Variants in CACNA1B observed in about 807,000 individuals in gnomAD.
CACNA1B encodes calcium voltage-gated channel subunit alpha1 B.
Under a neutral mutation model 247.2 loss-of-function variants are expected in CACNA1B, and 70 were observed. The ratio of observed to expected loss-of-function variants is 0.28; its 90% CI spans 0.23 to 0.35. CACNA1B has a LOEUF of 0.35. CACNA1B is among the 10% of genes least tolerant of loss of function. The pLI, the probability that CACNA1B is intolerant of heterozygous loss-of-function variation, is 1.00. For synonymous variants in CACNA1B, 1,231 were observed against 1,294.4 expected, an observed-to-expected ratio of 0.95 and a Z score of 1.05; for missense variants, 2,367 against 3,197.4, an observed-to-expected ratio of 0.74 and a Z score of 6.26.
At chr9:137,987,060 G>T (rs1005711677) in intron 15 of CACNA1B, among the ~76,000 whole-genome samples, 1 of 152,312 alleles carries the variant, frequency 6.6e-6, no homozygotes, top group East Asian at 1.9e-4. Flanking sequence ...CAGCCCCTAC[G>T]GTGAAGGAAG....
Position 138,075,883 on chromosome 9 carries a change from T to G in CACNA1B, c.4922T>G (p.Phe1641Cys). 1 of 1,612,378 alleles carries G rather than the reference T, an allele frequency of 6.2e-7. No individual in the cohort carries two copies. Among genetic ancestry groups the G allele is most frequent in the Non-Finnish European group, 8.5e-7 (1 of 1,179,068 alleles). Residue 1641 changes from phenylalanine to cysteine, a missense_variant, in exon 35 of 47, where the codon TTT (phenylalanine) becomes TGT (cysteine). Physicochemically the swap from Phe to Cys is radical, Grantham distance 205. Around this residue, in one of 12 missense-constraint regions of CACNA1B, gnomAD observed 436 missense variants for 679.5 expected, o/e 0.64. Transcript: ENST00000371372. Reference sequence around the variant, plus strand: ...AACCGCCACAACAACTTCCGGACGTTTTTGCAAGCCCTGATGCTGCTGTTC... The same window carrying G: ...AACCGCCACAACAACTTCCGGACGTGTTTGCAAGCCCTGATGCTGCTGTTC... ...SINRHNNFRT[F>C]LQALMLLFRS...
At chr9:138,005,451 G>T (rs557149790) in intron 15 of CACNA1B, among the ~76,000 whole-genome samples, 1 of 152,298 alleles carries the variant, frequency 6.6e-6, no homozygotes, top group East Asian at 1.9e-4. Flanking sequence ...GCTACCAGAA[G>T]GTGGGAAGGC....
chr9:138,088,338 C>G (rs979625758), intron 36 of CACNA1B, among the ~76,000 whole-genome samples: 1 of 151,384 alleles, frequency 6.6e-6, no homozygotes, highest in African/African-American at 2.4e-5. Flanking sequence ...CACTGCACTC[C>G]AGCCTGGGTG....
chr9:137,877,825 C>T lies in CACNA1B; in HGVS notation c.-109C>T, dbSNP rs75677346. The T allele has an allele frequency of 7.3e-5, 41 of 563,376 alleles. No individual in the cohort carries two copies. Among genetic ancestry groups the T allele is most frequent in the South Asian group, 1.4e-4 (2 of 13,892 alleles). 34.9% of individuals were successfully genotyped at this position (563,376 alleles called of 1,614,324 possible). A position where few individuals can be genotyped will look rare whatever the true frequency, so the allele number is the denominator to read the frequency against. On this transcript the variant is annotated 5_prime_UTR_variant, in exon 1 of 47. Coordinates refer to ENST00000371372, the MANE Select transcript of CACNA1B (RefSeq NM_000718.4). ...TGCGGCGGTGGGGCCGGGCGAGGTC[C>T]GCTGCGGTCCCGGCGGCTCCGTGGC... is the stretch of plus-strand genomic sequence containing the variant.
At chr9:137,988,251 A>T (rs997521283) in intron 15 of CACNA1B, among the ~76,000 whole-genome samples, 1 of 152,212 alleles carries the variant, frequency 6.6e-6, no homozygotes, top group African/African-American at 2.4e-5. Context: ...GGAAACTGGG[A>T]GGAGGCATTC....
chr9:138,109,370 G>A (rs908729679), intron 39 of CACNA1B, among the ~76,000 whole-genome samples: 4 of 152,212 alleles, frequency 2.6e-5, no homozygotes, highest in African/African-American at 9.7e-5. Context: ...CAAAAGAAAT[G>A]TATTTCTCAC....
Position 137,882,966 on chromosome 9 carries a change from G to A in CACNA1B, c.530+83G>A, listed in dbSNP as rs561886204. The A allele has an allele frequency of 4.1e-5, 60 of 1,447,072 alleles. No homozygotes were observed. The African/African-American group carries it at 6.3e-4, about 15-fold the overall frequency. The allele number at this position is 1,447,072 out of a possible 1,614,324, so 89.6% of individuals were successfully genotyped here. ...AGCTCAGTTGCGCCGTGGAGCTGGG[G>A]CAGCTGCAGTCCCCTCACTGGGGTC... On this transcript the variant is annotated intron_variant, in intron 3 of 46. Transcript: ENST00000371372. This position sits in a 1 kb window ranked among gnomAD's most constrained non-coding sequence, Gnocchi z 4.0.
chr9:138,013,808 A>C (rs1038344709), intron 18 of CACNA1B, among the ~76,000 whole-genome samples: 1 of 152,258 alleles, frequency 6.6e-6, no homozygotes, highest in Non-Finnish European at 1.5e-5. Context: ...CAAAGGCTGC[A>C]CTGAGCCGAG....
At chr9:138,049,901 A>G (rs113472174) in intron 24 of CACNA1B, among the ~76,000 whole-genome samples, 4 of 152,052 alleles carry the variant, frequency 2.6e-5, no homozygotes, top group Non-Finnish European at 5.9e-5. Flanking sequence ...GGGCTCAGCT[A>G]CAGCTGGGGA....
At chr9:138,034,223 A>G (rs7852364) in intron 20 of CACNA1B, among the ~76,000 whole-genome samples, 30,086 of 152,006 alleles carry the variant, frequency 0.2, 8,017 homozygotes, top group African/African-American at 0.61. Flanking sequence ...AGAGGAAGAG[A>G]TTGTCTCATT....
In CACNA1B at chr9:137,952,311, A is replaced by G; in HGVS notation, c.1004A>G (p.Tyr335Cys). The change falls in exon 7 of 47, where the codon TAC becomes TGC. Residue 335 changes from tyrosine (Y) to cysteine (C), a missense_variant. Physicochemically the swap from Tyr to Cys is radical, Grantham distance 194 (BLOSUM62 -2). This residue lies in a region of CACNA1B where 32 missense variants were observed against 37.2 expected (regional missense o/e 0.86). Coordinates refer to ENST00000371372, the MANE Select transcript of CACNA1B (RefSeq NM_000718.4). The surrounding 1 kb of genome is among the most constrained non-coding windows in gnomAD (Gnocchi z 4.8). ...GCCGGCAACACCTGGAACTGGCTCT[A>G]CTTCATCCCTCTCATCATCATCGGC... ...DAAGNTWNWL[Y>C]FIPLIIIGSF... 6.2e-7 allele frequency: 1 copy of G among 1,613,124 alleles called. No homozygotes were observed. The highest frequency in any genetic ancestry group is 8.5e-7 in the Non-Finnish European group (1 of 1,179,678).
chr9:137,916,310 G>A (rs188041541), intron 5 of CACNA1B, among the ~76,000 whole-genome samples: 2 of 152,296 alleles, frequency 1.3e-5, no homozygotes, highest in Non-Finnish European at 1.5e-5. Flanking sequence ...TAGGATTACA[G>A]GCGTGAGCCA....
Position 138,059,198 on chromosome 9 carries a change from T to C in CACNA1B, c.4584+9T>C, listed in dbSNP as rs758452712. On this transcript the variant is annotated intron_variant, in intron 30 of 46. Coordinates refer to ENST00000371372, the MANE Select transcript of CACNA1B (RefSeq NM_000718.4). This position sits in a 1 kb window ranked among gnomAD's most constrained non-coding sequence, Gnocchi z 4.2. ...TCGCCTTTGGGGTGCTGGTACGTGCTTTGGTCCCTGCTTTGCCTTTTGACA... is the reference window on the plus strand; with the variant it reads ...TCGCCTTTGGGGTGCTGGTACGTGCCTTGGTCCCTGCTTTGCCTTTTGACA... 9.7e-6 allele frequency: 15 copies of C among 1,546,888 alleles called. No homozygotes were observed. The highest frequency in any genetic ancestry group is 1.3e-5 in the Non-Finnish European group (15 of 1,119,452).
intron 15 of CACNA1B, among the ~76,000 whole-genome samples, 153 bp from the exon 16 acceptor site, chr9:138,006,614 G>A (rs536463927): frequency 3.3e-5 from 5 of 152,322 alleles, no homozygotes; most frequent in African/African-American, 7.2e-5. Flanking sequence ...CCAGACCTTC[G>A]GAGACAGCAT....
chr9:137,979,138 C>T (rs1014050959), intron 12 of CACNA1B, among the ~76,000 whole-genome samples: 1 of 152,236 alleles, frequency 6.6e-6, no homozygotes. Flanking sequence ...ACACATTCTT[C>T]TAACACTTAG....
At chr9:138,117,483 A>AG (rs1961914876) in intron 42 of CACNA1B, among the ~76,000 whole-genome samples, 1 of 152,110 alleles carries the variant, frequency 6.6e-6, no homozygotes, top group Non-Finnish European at 1.5e-5. Flanking sequence ...CTGCTGGCAT[A>AG]GGCAGGACTT....
At chr9:138,065,000 T>C (rs1959865153) in intron 31 of CACNA1B, among the ~76,000 whole-genome samples, 1 of 152,234 alleles carries the variant, frequency 6.6e-6, no homozygotes, top group Non-Finnish European at 1.5e-5. Context: ...CTTTTGGTCC[T>C]ATGCTCAGCA....
rs1354960129 is a variant in CACNA1B at position 138,073,830 on chromosome 9, G to C, written c.4792-171G>C. ...CCTGAGGTGGGTTTCATGACTCCGA[G>C]TTAGAGATAAAGAAACTGGGGCATC... On this transcript the variant is annotated intron_variant, in intron 33 of 46. Transcript: ENST00000371372. This position sits in a 1 kb window ranked among gnomAD's most constrained non-coding sequence, Gnocchi z 6.4. Among the ~76,000 whole-genome samples the C allele has an allele frequency of 6.6e-6, 1 of 152,234 alleles. No individual in the cohort carries two copies. Among genetic ancestry groups the C allele is most frequent in the Non-Finnish European group, 1.5e-5 (1 of 68,048 alleles).
chr9:137,915,623 TA>T (rs963270040), intron 5 of CACNA1B, among the ~76,000 whole-genome samples: 2 of 148,408 alleles, frequency 1.3e-5, no homozygotes, highest in Non-Finnish European at 1.5e-5. Flanking sequence ...TTCGTGATTT[TA>T]AAAAAAAAAC....
Sources: allele counts gnomAD v4.1 joint callset (sites outside exome capture counted in the v4.1 genomes callset), GRCh38; gene constraint gnomAD v4.1.1; regional missense constraint gnomAD v4.1.1; non-coding constraint Gnocchi (gnomAD v3.1); transcripts MANE v1.5; gene names NCBI Gene and HGNC (gene_info 2026-07-23, HGNC 2026-07-21).